WASHC5: variants seen among roughly 807,000 people sequenced by gnomAD.
The protein encoded by WASHC5 is WASH complex subunit strumpellin.
In WASHC5, 101 loss-of-function variants were observed where a neutral mutation model predicts 150.4. That is an observed-to-expected ratio of 0.67 (90% CI 0.57 to 0.79). The LOEUF (loss-of-function observed/expected upper bound fraction) is 0.79, where lower values mean the gene tolerates loss of function less well. WASHC5 is among the 30% of genes least tolerant of loss of function. The probability of loss-of-function intolerance (pLI) is 0.00; values close to 1 mark genes in which losing one functional copy is unlikely to be tolerated. For synonymous variants in WASHC5, 467 were observed against 491.2 expected (o/e 0.95, Z 0.65); for missense variants, 1,195 against 1,396.3 (o/e 0.86, Z 2.30).
chr8:125,090,269 G>A (rs1165058706), intron 1 of WASHC5, among the ~76,000 whole-genome samples: 1 of 152,316 alleles, frequency 6.6e-6, no homozygotes, highest in East Asian at 1.9e-4. Flanking sequence ...GACTAGTCCT[G>A]AAGAACAGAA....
intron 6 of WASHC5, among the ~76,000 whole-genome samples, chr8:125,078,161 C>G (rs1424731167): frequency 2.0e-5 from 3 of 152,130 alleles, no homozygotes; most frequent in African/African-American, 4.8e-5. Context: ...AAGGAAGTGA[C>G]TACTACACAT....
At chr8:125,025,466 G>A (rs1173763323) in intron 28 of WASHC5, among the ~76,000 whole-genome samples, 1 of 151,998 alleles carries the variant, frequency 6.6e-6, no homozygotes, top group African/African-American at 2.4e-5. Context: ...GAGGTGGGTG[G>A]ATCATGAGGT....
In WASHC5 at chr8:125,044,675, A is replaced by G; in HGVS notation, c.2528T>C (p.Leu843Pro). ...AGTTTTCATATCATACCAAGTGTTC[A>G]GCTGGTCTATGTGACATGTCATTCT... ...DPKMTCHIDQ[L>P]NTWYDMKTHQ... Residue 843 changes from leucine to proline, a missense_variant, in exon 21 of 29, where the codon CTG becomes CCG. Transcript: ENST00000318410. The G allele has an allele frequency of 3.1e-6, 5 of 1,614,140 alleles. No individual in the cohort carries two copies. Among genetic ancestry groups the G allele is most frequent in the Non-Finnish European group, 4.2e-6 (5 of 1,179,962 alleles).
intron 6 of WASHC5, among the ~76,000 whole-genome samples, chr8:125,076,944 C>T (rs1174857553): frequency 6.6e-6 from 1 of 152,146 alleles, no homozygotes; most frequent in African/African-American, 2.4e-5. Flanking sequence ...CTCATGACCT[C>T]ACAACCATCC....
chr8:125,052,084 G>C (rs943539094), intron 17 of WASHC5, among the ~76,000 whole-genome samples: 3 of 152,120 alleles, frequency 2.0e-5, no homozygotes, highest in Non-Finnish European at 4.4e-5. Flanking sequence ...AATGACTTGT[G>C]TTTACCTTGT....
intron 28 of WASHC5, among the ~76,000 whole-genome samples, 185 bp downstream of exon 28, chr8:125,028,435 T>C (rs912391810): frequency 2.0e-5 from 3 of 152,182 alleles, no homozygotes; most frequent in Non-Finnish European, 4.4e-5. Flanking sequence ...TGTTAAACTC[T>C]GCAAGGCAAT....
intron 27 of WASHC5, among the ~76,000 whole-genome samples, chr8:125,029,804 A>T (rs1815475743): frequency 6.6e-6 from 1 of 152,224 alleles, no homozygotes; most frequent in South Asian, 2.1e-4. Flanking sequence ...TTTCTGATTA[A>T]CAAATAACTT....
intron 25 of WASHC5, 100 bp from the exon 26 acceptor site, chr8:125,037,433 C>T (rs1283318823): frequency 2.5e-6 from 2 of 796,746 alleles, no homozygotes; most frequent in African/African-American, 3.4e-5. Flanking sequence ...CTTCAATTTG[C>T]TCTTTGGCTT....
intron 2 of WASHC5, among the ~76,000 whole-genome samples, 180 bp downstream of exon 2, chr8:125,083,533 G>A (rs1482160713): frequency 6.6e-6 from 1 of 152,120 alleles, no homozygotes; most frequent in African/African-American, 2.4e-5. Flanking sequence ...TATTGTGTTA[G>A]GGCTTTGACA....
At chr8:125,069,143 GC>G (rs150914122) in intron 9 of WASHC5, among the ~76,000 whole-genome samples, 3,989 of 152,290 alleles carry the variant, frequency 0.026, 180 homozygotes, top group African/African-American at 0.092. Flanking sequence ...ATGGATTAAT[GC>G]CATTATCTTG....
intron 17 of WASHC5, among the ~76,000 whole-genome samples, chr8:125,054,890 A>T (rs1816361153): frequency 6.6e-6 from 1 of 151,770 alleles, no homozygotes; most frequent in African/African-American, 2.4e-5. Flanking sequence ...ACTAAAAATG[A>T]AGGAAGGAAA....
chr8:125,029,100 C>T (rs886158949), intron 27 of WASHC5, among the ~76,000 whole-genome samples: 10 of 150,140 alleles, frequency 6.7e-5, no homozygotes, highest in South Asian at 4.2e-4. Flanking sequence ...GGTATGATCT[C>T]GGCTCACTGC....
chr8:125,075,249 A>T, intron 7 of WASHC5, 138 bp from the exon 8 acceptor site: 2 of 686,124 alleles, frequency 2.9e-6, no homozygotes, highest in South Asian at 3.1e-5. Context: ...TTCCAAATAT[A>T]TAGGTAAGTG....
intron 9 of WASHC5, among the ~76,000 whole-genome samples, chr8:125,072,866 CAT>C (rs1157492750): frequency 2.0e-5 from 3 of 152,142 alleles, no homozygotes; most frequent in Admixed American, 1.3e-4. Context: ...TCTATTTTTT[CAT>C]ATGTCTACAT....
chr8:125,072,662 C>T (rs1288737903), intron 9 of WASHC5, among the ~76,000 whole-genome samples: 1 of 152,164 alleles, frequency 6.6e-6, no homozygotes, highest in African/African-American at 2.4e-5. Context: ...GTATGAGCCA[C>T]CACACACAGC....
chr8:125,049,332 G>A, intron 18 of WASHC5, 147 bp from the exon 19 acceptor site: 1 of 829,136 alleles, frequency 1.2e-6, no homozygotes, highest in East Asian at 2.7e-5. Context: ...GCTTAGGCAG[G>A]AAGATCACTT....
chr8:125,027,832 G>A (rs1279057425), intron 28 of WASHC5, among the ~76,000 whole-genome samples: 2 of 152,108 alleles, frequency 1.3e-5, no homozygotes, highest in African/African-American at 4.8e-5. Flanking sequence ...TTTCCAATAT[G>A]CATTTTATTT....
intron 26 of WASHC5, among the ~76,000 whole-genome samples, chr8:125,035,499 T>C (rs776723022): frequency 6.6e-6 from 1 of 152,256 alleles, no homozygotes; most frequent in Non-Finnish European, 1.5e-5. Flanking sequence ...GATGAACCTT[T>C]ACATTACACT....
At chr8:125,081,340 C>T (rs1025802636) in intron 5 of WASHC5, among the ~76,000 whole-genome samples, 1 of 150,136 alleles carries the variant, frequency 6.7e-6, no homozygotes, top group East Asian at 2.0e-4. Context: ...CGAGTTCAGG[C>T]GATTCTCCTG....
Sources: gnomAD v4.1 joint callset for allele counts (sites outside exome capture counted in the v4.1 genomes callset) on GRCh38, gnomAD v4.1.1 for gene constraint, MANE v1.5 for transcripts, NCBI Gene and HGNC (gene_info 2026-07-23, HGNC 2026-07-21) for gene names.